RGL1: variants seen among roughly 807,000 people sequenced by gnomAD.
RGL1 encodes ral guanine nucleotide dissociation stimulator-like 1.
A neutral mutation model predicts 95.2 loss-of-function variants in RGL1; 24 were observed. The observed-to-expected ratio is 0.25, with a 90% CI of 0.18 to 0.35. RGL1 has a LOEUF of 0.35. RGL1 is among the 10% of genes least tolerant of loss of function. The pLI, the probability that RGL1 is intolerant of heterozygous loss-of-function variation, is 1.00. For missense variants in RGL1, 715 were observed against 936.3 expected (o/e 0.76, Z 3.08); for synonymous variants, 329 against 344.9 (o/e 0.95, Z 0.51).
At chr1:183,860,299 T>C (rs770473443) in intron 3 of RGL1, among the ~76,000 whole-genome samples, 1 of 152,174 alleles carries the variant, frequency 6.6e-6, no homozygotes, top group Non-Finnish European at 1.5e-5. Context: ...TATTAATTCA[T>C]TGAGCAAATA....
chr1:183,888,601 G>A, intron 8 of RGL1, 24 bp downstream of exon 8: 1 of 1,461,580 alleles, frequency 6.8e-7, no homozygotes, highest in Non-Finnish European at 9.6e-7. Flanking sequence ...TGTTTGCTCT[G>A]CTTTTCTTTG....
intron 16 of RGL1, among the ~76,000 whole-genome samples, chr1:183,920,430 G>A (rs1669249189): frequency 6.6e-6 from 1 of 152,194 alleles, no homozygotes; most frequent in Admixed American, 6.5e-5. Flanking sequence ...ATCAGCATAA[G>A]GATGCACGCT....
At chr1:183,832,555 A>G (rs1343763856) in intron 2 of RGL1, among the ~76,000 whole-genome samples, 1 of 152,194 alleles carries the variant, frequency 6.6e-6, no homozygotes, top group African/African-American at 2.4e-5. Context: ...AAATGTTTCC[A>G]TATTGATGGT....
chr1:183,925,882 C>T (rs963158481), intron 17 of RGL1, among the ~76,000 whole-genome samples: 12 of 152,046 alleles, frequency 7.9e-5, no homozygotes, highest in African/African-American at 2.2e-4. Flanking sequence ...ATTCATGGAG[C>T]GAATTTCTAA....
intron 1 of RGL1, among the ~76,000 whole-genome samples, chr1:183,740,819 A>C (rs561604286): frequency 1.2e-4 from 19 of 152,340 alleles, no homozygotes; most frequent in Admixed American, 1.1e-3. Context: ...ATGATTTACT[A>C]AATGATTGAA....
chr1:183,832,073 G>C (rs1663298096), intron 2 of RGL1, among the ~76,000 whole-genome samples: 1 of 152,162 alleles, frequency 6.6e-6, no homozygotes, highest in Non-Finnish European at 1.5e-5. Context: ...TTTTGTATAT[G>C]GATGAGTGGT....
intron 2 of RGL1, among the ~76,000 whole-genome samples, chr1:183,781,643 C>A (rs1467635357): frequency 1.3e-5 from 2 of 152,138 alleles, no homozygotes; most frequent in South Asian, 2.1e-4. Context: ...ATGTACCCAT[C>A]TCTACATATA....
intron 14 of RGL1, 61 bp downstream of exon 14, chr1:183,907,162 A>G (rs1668383470): frequency 1.1e-6 from 1 of 944,392 alleles, no homozygotes; most frequent in Non-Finnish European, 1.7e-6. Flanking sequence ...GTGAGAGGAG[A>G]TGTATTCAAC....
intron 2 of RGL1, among the ~76,000 whole-genome samples, chr1:183,815,843 C>T (rs1344010707): frequency 1.3e-5 from 2 of 152,116 alleles, no homozygotes. Flanking sequence ...GTGGGGCTCT[C>T]GTCAGCACCC....
chr1:183,706,633 C>T (rs769583806), intron 1 of RGL1, among the ~76,000 whole-genome samples: 4 of 152,186 alleles, frequency 2.6e-5, no homozygotes, highest in Non-Finnish European at 4.4e-5. Context: ...ATTGTCTGGA[C>T]CAGTGGCCTT....
intron 1 of RGL1, chr1:183,648,228 A>G (rs1650452215): frequency 6.2e-7 from 1 of 1,614,218 alleles, no homozygotes; most frequent in Non-Finnish European, 8.5e-7. Context: ...TGGACTCAAA[A>G]CAACCCGCGG....
intron 3 of RGL1, among the ~76,000 whole-genome samples, chr1:183,859,528 T>C (rs3010063): frequency 0.34 from 52,120 of 152,038 alleles, 9,306 homozygotes; most frequent in East Asian, 0.49. Context: ...TCTTTTGCTG[T>C]TAATGTTGCC....
At chr1:183,767,655 T>C (rs1010334513) in intron 2 of RGL1, among the ~76,000 whole-genome samples, 1 of 152,074 alleles carries the variant, frequency 6.6e-6, no homozygotes, top group Admixed American at 6.6e-5. Context: ...CTCAACAATA[T>C]TAAAAAAGAA....
intron 1 of RGL1, among the ~76,000 whole-genome samples, chr1:183,805,966 CTTTTCTTTTTTTTTTTTTTTTTTTTT>C (rs1389012715): frequency 1.4e-4 from 4 of 28,402 alleles, no homozygotes; most frequent in Admixed American, 3.9e-4. Context: ...TTTTTCTTTT[CTTTTCTTTTTTTTTTTTTTTTTTTTT>C]TTTTTTTTTT....
chr1:183,742,220 G>A (rs1472585203), exon 2 of RGL1: 2 of 1,614,100 alleles, frequency 1.2e-6, no homozygotes, highest in South Asian at 2.2e-5. Context: ...TTTCCACCAA[G>A]GTAGAAAGCA....
At chr1:183,837,261 G>C (rs1378941805) in intron 2 of RGL1, among the ~76,000 whole-genome samples, 1 of 152,276 alleles carries the variant, frequency 6.6e-6, no homozygotes, top group Non-Finnish European at 1.5e-5. Flanking sequence ...TTCATAGCAG[G>C]CTTCATTCAC....
chr1:183,844,899 G>T (rs960735136), intron 2 of RGL1, among the ~76,000 whole-genome samples: 1 of 152,140 alleles, frequency 6.6e-6, no homozygotes, highest in South Asian at 2.1e-4. Context: ...ACATAAGCTG[G>T]AGTCTTAATT....
chr1:183,755,948 A>G (rs1355295209), intron 2 of RGL1, among the ~76,000 whole-genome samples: 1 of 150,456 alleles, frequency 6.6e-6, no homozygotes, highest in South Asian at 2.1e-4. Flanking sequence ...CAATGGCGCA[A>G]TCTCGGCTCA....
At chr1:183,787,526 A>C (rs1660238342) in intron 2 of RGL1, among the ~76,000 whole-genome samples, 1 of 152,188 alleles carries the variant, frequency 6.6e-6, no homozygotes, top group East Asian at 1.9e-4. Context: ...TCCTGTCCCC[A>C]GACATGTGCC....
Sources: allele counts gnomAD v4.1 joint callset (sites outside exome capture counted in the v4.1 genomes callset), GRCh38; gene constraint gnomAD v4.1.1; transcripts MANE v1.5; gene names NCBI Gene and HGNC (gene_info 2026-07-23, HGNC 2026-07-21).